The following COL13A1 variants were observed in gnomAD, a reference collection of about 807,000 sequenced individuals.
COL13A1 encodes collagen type XIII alpha 1 chain.
COL13A1 carries 89 observed loss-of-function variants against 130.9 expected under a neutral mutation model. The observed-to-expected ratio is 0.68, with a 90% CI of 0.57 to 0.81. COL13A1 has a LOEUF of 0.81. Among genes scored for constraint, COL13A1 ranks in the 30% least tolerant of loss-of-function variants. The pLI, the probability that COL13A1 is intolerant of heterozygous loss-of-function variation, is 0.00. For synonymous variants in COL13A1, 402 were observed against 341.6 expected, an observed-to-expected ratio of 1.18 and a Z score of -1.95; for missense variants, 879 against 934.6, an observed-to-expected ratio of 0.94 and a Z score of 0.78.
chr10:69,882,789 T>G (rs1397928869), intron 7 of COL13A1, among the ~76,000 whole-genome samples: 1 of 152,214 alleles, frequency 6.6e-6, no homozygotes, highest in African/African-American at 2.4e-5. Flanking sequence ...CCAGGAGTCT[T>G]AACGAAGCCC....
In COL13A1 at chr10:69,916,269, C is replaced by G. The variant is rs571664609; in HGVS notation, c.922-1020C>G. 9.8e-5 allele frequency among the ~76,000 whole-genome samples: 15 copies of G among 152,288 alleles called. No individual in the cohort carries two copies. The South Asian group carries it at 3.1e-3, about 32-fold the overall frequency. On this transcript the variant is annotated intron_variant, in intron 17 of 40. Coordinates refer to ENST00000645393, the MANE Select transcript of COL13A1 (RefSeq NM_001368882.1). ...GTCACACCCAATGGGGCAGCTGGGC[C>G]GGGAGCAGGATTGTCACACTCTGTG...
At chr10:69,803,065 G>A (rs961881976) in intron 1 of COL13A1, among the ~76,000 whole-genome samples, 19 of 152,190 alleles carry the variant, frequency 1.2e-4, no homozygotes, top group Non-Finnish European at 4.4e-5. Context: ...GGCCAGGGTG[G>A]TGTGACAGCC....
Position 69,944,119 on chromosome 10 carries a change from TC to T in COL13A1, c.1915-3del. ...CCCTCACCTCTGCTTTCTTTCCCCT[TC>T]CCAGGGTACTCCAGGACCAATTGGA... On this transcript the variant is annotated splice_polypyrimidine_tract_variant and splice_region_variant and intron_variant, in intron 35 of 40. Transcript: ENST00000645393. 5 of 1,613,294 alleles carry T rather than the reference TC, an allele frequency of 3.1e-6. No homozygotes were observed. The highest frequency in any genetic ancestry group is 4.2e-6 in the Non-Finnish European group (5 of 1,179,456).
At chr10:69,802,912 A>G (rs920667192) in intron 1 of COL13A1, among the ~76,000 whole-genome samples, 195 bp downstream of exon 1, 14 of 152,196 alleles carry the variant, frequency 9.2e-5, no homozygotes, top group Admixed American at 2.0e-4. Context: ...GGGCAAGAGC[A>G]TGACCCAGCG....
chr10:69,952,819 C>T, intron 38 of COL13A1, 63 bp from the exon 39 acceptor site: 1 of 1,151,388 alleles, frequency 8.7e-7, no homozygotes, highest in Non-Finnish European at 1.2e-6. Context: ...TGTCTTCAAC[C>T]TTAACACATG....
At position 69,947,349 on chromosome 10, in the gene COL13A1, C is replaced by T. The variant is rs1181294356; in HGVS notation, c.2058+7C>T. 1 of 1,610,288 alleles carries T rather than the reference C, an allele frequency of 6.2e-7. No individual in the cohort carries two copies. Among genetic ancestry groups the T allele is most frequent in the East Asian group, 2.2e-5 (1 of 44,720 alleles). On this transcript the variant is annotated splice_region_variant and intron_variant, in intron 38 of 40. Transcript: ENST00000645393. ...CGGGGACAAGGGAAACCGGGTGAGT[C>T]TGAGCCCCTGCACTCGTGCTCTAGT...
intron 2 of COL13A1, among the ~76,000 whole-genome samples, chr10:69,838,442 C>T (rs1213210593): frequency 2.0e-5 from 3 of 152,222 alleles, no homozygotes; most frequent in African/African-American, 7.2e-5. Context: ...TCATGACAAC[C>T]TCTACCTCCA....
chr10:69,868,609 C>G (rs1256887044), intron 3 of COL13A1, among the ~76,000 whole-genome samples: 1 of 152,226 alleles, frequency 6.6e-6, no homozygotes, highest in African/African-American at 2.4e-5. Flanking sequence ...AGATCTTTCT[C>G]AAGGTTGCTG....
chr10:69,958,798 A>G lies in COL13A1; in HGVS notation c.*97A>G, dbSNP rs2136524321. The G allele has an allele frequency of 1.3e-6, 2 of 1,489,190 alleles. No individual in the cohort carries two copies. The highest frequency in any genetic ancestry group is 1.8e-4 in the Middle Eastern group (1 of 5,610). The allele number at this position is 1,489,190 out of a possible 1,614,324, so 92.2% of individuals were successfully genotyped here. On this transcript the variant is annotated 3_prime_UTR_variant, in exon 41 of 41. Coordinates refer to ENST00000645393, the MANE Select transcript of COL13A1 (RefSeq NM_001368882.1). ...TTTGAAAATGCCAGAAGTATGATGC[A>G]TCTTACAGATTATTAAAAAAGAAAG...
intron 1 of COL13A1, among the ~76,000 whole-genome samples, chr10:69,808,492 C>T (rs1205645051): frequency 3.9e-5 from 6 of 152,254 alleles, no homozygotes; most frequent in Admixed American, 6.5e-5. Flanking sequence ...TCGCTCAATA[C>T]ACTCTTTCCC....
chr10:69,880,883 G>A (rs118132651), intron 7 of COL13A1, among the ~76,000 whole-genome samples: 8,680 of 152,304 alleles, frequency 0.057, 332 homozygotes, highest in Non-Finnish European at 0.081. Context: ...GGGGTGATCC[G>A]GCTTTCCCGG....
At chr10:69,950,289 T>G (rs10999047) in intron 38 of COL13A1, among the ~76,000 whole-genome samples, 2,049 of 152,194 alleles carry the variant, frequency 0.013, 22 homozygotes, top group South Asian at 0.044. Flanking sequence ...ATGGATCTCT[T>G]TTGTGTCACT....
At chr10:69,931,062 C>T in intron 30 of COL13A1, 1 of 412,198 alleles carries the variant, frequency 2.4e-6, no homozygotes, top group South Asian at 1.8e-5. Flanking sequence ...GACACCTACC[C>T]TTGGAGCAAG....
chr10:69,843,637 G>A (rs1852204826), intron 2 of COL13A1, among the ~76,000 whole-genome samples: 1 of 152,220 alleles, frequency 6.6e-6, no homozygotes, highest in African/African-American at 2.4e-5. Context: ...TGAGGATAAT[G>A]AGAAGGCTTG....
chr10:69,857,190 G>C (rs898036817), intron 2 of COL13A1, among the ~76,000 whole-genome samples: 1 of 152,186 alleles, frequency 6.6e-6, no homozygotes, highest in Non-Finnish European at 1.5e-5. Context: ...TTACGATTCT[G>C]ACCCCAACCT....
chr10:69,882,972 TG>T (rs952665290), intron 7 of COL13A1, among the ~76,000 whole-genome samples: 1 of 152,176 alleles, frequency 6.6e-6, no homozygotes, highest in African/African-American at 2.4e-5. Flanking sequence ...AGAAGTCAAG[TG>T]GGCACCCTTG....
intron 2 of COL13A1, chr10:69,824,092 C>G (rs1178979864): frequency 4.2e-6 from 2 of 472,076 alleles, no homozygotes; most frequent in African/African-American, 2.0e-5. Context: ...CAACATGGAC[C>G]AGTCTTATGA....
chr10:69,833,973 T>A (rs916508135), intron 2 of COL13A1, among the ~76,000 whole-genome samples: 2 of 152,172 alleles, frequency 1.3e-5, no homozygotes, highest in East Asian at 3.9e-4. Flanking sequence ...GGATGTGATG[T>A]ATCCAGCTGT....
At chr10:69,935,229 C>T (rs1018618136) in intron 31 of COL13A1, 121 bp from the exon 32 acceptor site, 26 of 810,588 alleles carry the variant, frequency 3.2e-5, no homozygotes, top group African/African-American at 5.2e-5. Flanking sequence ...TGGGCAGTCA[C>T]TGGCTGACCT....
Sources: gnomAD v4.1 joint callset for allele counts (sites outside exome capture counted in the v4.1 genomes callset) on GRCh38, gnomAD v4.1.1 for gene constraint, MANE v1.5 for transcripts, NCBI Gene and HGNC (gene_info 2026-07-23, HGNC 2026-07-21) for gene names.